Variants in NUTM2F observed in about 807,000 individuals in gnomAD.
NUTM2F encodes family with sequence similarity 22, member F.
NUTM2F carries 22 observed loss-of-function variants against 43.3 expected under a neutral mutation model. The ratio of observed to expected loss-of-function variants is 0.51; its 90% CI spans 0.36 to 0.73. The LOEUF (loss-of-function observed/expected upper bound fraction) is 0.73, where lower values mean the gene tolerates loss of function less well. Ranked by LOEUF, NUTM2F falls within the 30% of genes least tolerant of loss-of-function variation. The pLI is 0.00. For synonymous variants in NUTM2F, 202 were observed against 389.0 expected, an observed-to-expected ratio of 0.52 and a Z score of 5.66; for missense variants, 488 against 927.4, an observed-to-expected ratio of 0.53 and a Z score of 6.15.
intron 1 of NUTM2F, among the ~76,000 whole-genome samples, chr9:94,328,361 C>T (rs1831475851): frequency 1.3e-5 from 2 of 152,122 alleles, no homozygotes; most frequent in Admixed American, 1.3e-4. Context: ...ATCAACCCAT[C>T]CTCTCCATCC....
chr9:94,324,445 C>G (rs1190809698), intron 2 of NUTM2F, among the ~76,000 whole-genome samples: 4 of 150,668 alleles, frequency 2.7e-5, no homozygotes, highest in Admixed American at 6.6e-5. Context: ...GGCGAATCAC[C>G]AGGGCAGGAG....
chr9:94,318,565 TG>T lies in NUTM2F; in HGVS notation c.2170del (p.Gln724AsnfsTer72). 2.9e-6 allele frequency: 4 copies of T among 1,386,500 alleles called. No individual in the cohort carries two copies. Among genetic ancestry groups the T allele is most frequent in the Non-Finnish European group, 3.9e-6 (4 of 1,017,458 alleles). The allele number at this position is 1,386,500 out of a possible 1,614,324, so 85.9% of individuals were successfully genotyped here. On this transcript the variant is annotated frameshift_variant, in exon 7 of 7. Coordinates refer to ENST00000253262, the MANE Select transcript of NUTM2F (RefSeq NM_017561.2). LOFTEE classifies it low-confidence loss of function (END_TRUNC). ...PGPGLRVSGE[Q>X]SLAWGLGGPS... ...GCCACCCAGCCCCCAAGCCAGGGAT[TG>T]CTCCCCAGAGACCCTGAGCCCAGGC...
Position 94,325,774 on chromosome 9 carries a change from G to A in NUTM2F, c.177C>T (p.Phe59=). Residue 59 remains phenylalanine (F), a synonymous_variant, in exon 2 of 7, where the codon TTC becomes TTT. Coordinates refer to ENST00000253262, the MANE Select transcript of NUTM2F (RefSeq NM_017561.2). ...PPAGPLVLSA[F]PSTPLVAGQD... is the part of the protein sequence containing the mutation. ...GTCCTGCCACTAGAGGGGTGCTGGGGAAGGCAGAGAGCACCAGAGGGCCGG... is the reference window on the plus strand; with the variant it reads ...GTCCTGCCACTAGAGGGGTGCTGGGAAAGGCAGAGAGCACCAGAGGGCCGG... 6.2e-7 allele frequency: 1 copy of A among 1,612,138 alleles called. No homozygotes were observed. The highest frequency in any genetic ancestry group is 8.5e-7 in the Non-Finnish European group (1 of 1,179,854).
chr9:94,327,116 T>C (rs1831460893), intron 1 of NUTM2F, among the ~76,000 whole-genome samples: 1 of 142,336 alleles, frequency 7.0e-6, no homozygotes, highest in Non-Finnish European at 1.5e-5. Flanking sequence ...CTTTTTTTTT[T>C]TTTTTGAGAC....
chr9:94,326,772 A>G (rs1383018926), intron 1 of NUTM2F, among the ~76,000 whole-genome samples: 1 of 150,954 alleles, frequency 6.6e-6, no homozygotes, highest in Non-Finnish European at 1.5e-5. Flanking sequence ...AAAAAAGAAA[A>G]CCACTGGATG....
At position 94,319,747 on chromosome 9, in the gene NUTM2F, A is replaced by T; in HGVS notation, c.1369-18T>A. 6.2e-7 allele frequency: 1 copy of T among 1,601,378 alleles called. No homozygotes were observed. On this transcript the variant is annotated intron_variant, in intron 5 of 6. Coordinates refer to ENST00000253262, the MANE Select transcript of NUTM2F (RefSeq NM_017561.2). ...GCCTCCACCTGGAAACAGAAGGAAGAAGGTGTGAACTTCCTGGGGAGGGAG... is the reference window on the plus strand; with the variant it reads ...GCCTCCACCTGGAAACAGAAGGAAGTAGGTGTGAACTTCCTGGGGAGGGAG...
Position 94,325,803 on chromosome 9 carries a change from G to A in NUTM2F, c.148C>T (p.Pro50Ser). Residue 50 changes from proline (P) to serine (S), a missense_variant, in exon 2 of 7, where the codon CCA becomes TCA. Transcript: ENST00000253262. ...GCAGAGAGCACCAGAGGGCCGGCTGGAGGAACCACTGCAGTCACGAGGGGC... is the reference window on the plus strand; with the variant it reads ...GCAGAGAGCACCAGAGGGCCGGCTGAAGGAACCACTGCAGTCACGAGGGGC... ...RPPLVTAVVP[P>S]AGPLVLSAFP... 2 of 1,612,152 alleles carry A rather than the reference G, an allele frequency of 1.2e-6. No homozygotes were observed. Among genetic ancestry groups the A allele is most frequent in the Non-Finnish European group, 1.7e-6 (2 of 1,179,852 alleles).
chr9:94,320,968 G>A lies in NUTM2F; in HGVS notation c.982+125C>T, dbSNP rs548636758. 16 of 1,446,910 alleles carry A rather than the reference G, an allele frequency of 1.1e-5. No individual in the cohort carries two copies. Among genetic ancestry groups the A allele is most frequent in the African/African-American group, 7.1e-5 (5 of 70,026 alleles). The allele number at this position is 1,446,910 out of a possible 1,614,324, so 89.6% of individuals were successfully genotyped here. On this transcript the variant is annotated intron_variant, in intron 4 of 6. Coordinates refer to ENST00000253262, the MANE Select transcript of NUTM2F (RefSeq NM_017561.2). This position sits in a 1 kb window ranked among gnomAD's most constrained non-coding sequence, Gnocchi z 4.5. ...TGGTCAATACCCAACATACACTCCC[G>A]GAAGCTGTCCTGTTGGAGGGAGCAA...
chr9:94,320,262 C>T lies in NUTM2F; in HGVS notation c.1314G>A (p.Pro438=), dbSNP rs1211142726. The change falls in exon 5 of 7, where the codon CCG becomes CCA. Residue 438 remains proline (P), a synonymous_variant. Transcript: ENST00000253262. This position sits in a 1 kb window ranked among gnomAD's most constrained non-coding sequence, Gnocchi z 4.5. ...GCTTGTCAATGTAGCTCAGGAGGCCCGGGTCTGAGGTTATCCCGTCCTCTT... is the reference window on the plus strand; with the variant it reads ...GCTTGTCAATGTAGCTCAGGAGGCCTGGGTCTGAGGTTATCCCGTCCTCTT... The part of the protein sequence containing the change: ...PQEEDGITSD[P]GLLSYIDKLC... 1.1e-5 allele frequency: 17 copies of T among 1,613,846 alleles called. No homozygotes were observed. Among genetic ancestry groups the T allele is most frequent in the Non-Finnish European group, 1.3e-5 (15 of 1,179,876 alleles).
rs1443195015 is a variant in NUTM2F at position 94,321,179 on chromosome 9, A to G, written c.896T>C (p.Met299Thr). 3 of 1,560,796 alleles carry G rather than the reference A, an allele frequency of 1.9e-6. No individual in the cohort carries two copies. The highest frequency in any genetic ancestry group is 2.6e-6 in the Non-Finnish European group (3 of 1,161,124). Residue 299 changes from methionine (M) to threonine (T), a missense_variant, in exon 4 of 7, where the codon ATG (methionine) becomes ACG (threonine). Transcript: ENST00000253262. ...EEMQIQKSQWMKGPQSLPPPA... is the reference protein window; with the variant it reads ...EEMQIQKSQWTKGPQSLPPPA... ...AGGAGGCAGGCTCTGGGGCCCCTTC[A>G]TCCACTGCGATTTCTGAATCTGCAT...
chr9:94,321,109 C>T lies in NUTM2F; in HGVS notation c.966G>A (p.Glu322=). 6.4e-7 allele frequency: 1 copy of T among 1,551,652 alleles called. No homozygotes were observed. Among genetic ancestry groups the T allele is most frequent in the South Asian group, 1.2e-5 (1 of 85,308 alleles). The change falls in exon 4 of 7, where the codon GAG becomes GAA. Residue 322 remains glutamate, a synonymous_variant. Coordinates refer to ENST00000253262, the MANE Select transcript of NUTM2F (RefSeq NM_017561.2). ...AAGCTGTACCTGGCTGCTTGACCAC[C>T]TCAGGGGCAGGGGGTCCTCGAGGTT... is the stretch of plus-strand genomic sequence containing the variant. The part of the protein sequence containing the change: ...RLEPRGPPAP[E]VVKQPVYLPS...
At position 94,320,244 on chromosome 9, in the gene NUTM2F, A is replaced by G. The variant is rs781675281; in HGVS notation, c.1332T>C (p.Ile444=). The change falls in exon 5 of 7, where the codon ATT becomes ATC. Residue 444 remains isoleucine, a synonymous_variant. Transcript: ENST00000253262. The surrounding 1 kb of genome is among the most constrained non-coding windows in gnomAD (Gnocchi z 4.5). The part of the protein sequence containing the change: ...ITSDPGLLSY[I]DKLCSQEDFV... Reference sequence around the variant, plus strand: ...AGTCTTCCTGGGAACACAGCTTGTCAATGTAGCTCAGGAGGCCCGGGTCTG... The same window carrying G: ...AGTCTTCCTGGGAACACAGCTTGTCGATGTAGCTCAGGAGGCCCGGGTCTG... 6.2e-7 allele frequency: 1 copy of G among 1,613,938 alleles called. No homozygotes were observed. Among genetic ancestry groups the G allele is most frequent in the South Asian group, 1.1e-5 (1 of 91,076 alleles).
At chr9:94,323,209 C>A (rs1831401310) in intron 2 of NUTM2F, among the ~76,000 whole-genome samples, 2 of 151,864 alleles carry the variant, frequency 1.3e-5, no homozygotes, top group Admixed American at 6.6e-5. Context: ...GAATCAGGGT[C>A]CCCAGTGCAC....
chr9:94,320,950 T>C lies in NUTM2F; in HGVS notation c.982+143A>G. ...ATGAAGTAGGTATTCACCTGGTCAA[T>C]ACCCAACATACACTCCCGGAAGCTG... On this transcript the variant is annotated intron_variant, in intron 4 of 6. Transcript: ENST00000253262. This position sits in a 1 kb window ranked among gnomAD's most constrained non-coding sequence, Gnocchi z 4.5. 2.1e-6 allele frequency: 3 copies of C among 1,410,766 alleles called. No individual in the cohort carries two copies. Among genetic ancestry groups the C allele is most frequent in the Non-Finnish European group, 2.8e-6 (3 of 1,073,450 alleles). The allele number at this position is 1,410,766 out of a possible 1,614,324, so 87.4% of individuals were successfully genotyped here.
At position 94,320,440 on chromosome 9, in the gene NUTM2F, T is replaced by G. The variant is rs757608700; in HGVS notation, c.1136A>C (p.Gln379Pro). ...TNAHLPPPRP[Q>P]RPAETKVPEE... ...AGGGACCTTGGTCTCCGCTGGCCTC[T>G]GGGGCCTGGGTGGTGGCAGGTGGGC... Residue 379 changes from glutamine to proline, a missense_variant, in exon 5 of 7, where the codon CAG becomes CCG. Transcript: ENST00000253262. This position sits in a 1 kb window ranked among gnomAD's most constrained non-coding sequence, Gnocchi z 4.5. The G allele has an allele frequency of 8.7e-6, 14 of 1,603,728 alleles. No individual in the cohort carries two copies. Among genetic ancestry groups the G allele is most frequent in the African/African-American group, 1.3e-5 (1 of 74,710 alleles).
chr9:94,321,291 C>G, intron 3 of NUTM2F, 59 bp from the exon 4 acceptor site: 1 of 1,543,348 alleles, frequency 6.5e-7, no homozygotes, highest in Non-Finnish European at 8.7e-7. Flanking sequence ...CCCCCCAGGA[C>G]CAGGCAGCAG....
chr9:94,326,000 T>G lies in NUTM2F; in HGVS notation c.17-66A>C. The G allele has an allele frequency of 4.4e-6, 7 of 1,586,350 alleles. No homozygotes were observed. In the South Asian group the frequency reaches 6.8e-5, roughly 15 times the overall value. ...CAGGTCCACACTAGTCACTGGGGAA[T>G]CAGGGGAGTCCCAACAGCTGAGGGC... On this transcript the variant is annotated intron_variant, in intron 1 of 6. Coordinates refer to ENST00000253262, the MANE Select transcript of NUTM2F (RefSeq NM_017561.2).
chr9:94,326,722 T>G (rs1473553592), intron 1 of NUTM2F, among the ~76,000 whole-genome samples: 1 of 115,162 alleles, frequency 8.7e-6, no homozygotes, highest in African/African-American at 3.4e-5. Context: ...CCAGCCCGGG[T>G]GACAGAGCGA....
At chr9:94,324,761 C>T (rs1587703805) in intron 2 of NUTM2F, among the ~76,000 whole-genome samples, 1 of 151,058 alleles carries the variant, frequency 6.6e-6, no homozygotes, top group South Asian at 2.1e-4. Flanking sequence ...GAGGCTGAGG[C>T]GGGCAGATCA....
Sources: allele counts gnomAD v4.1 joint callset (sites outside exome capture counted in the v4.1 genomes callset), GRCh38; gene constraint gnomAD v4.1.1; non-coding constraint Gnocchi (gnomAD v3.1); transcripts MANE v1.5; gene names NCBI Gene and HGNC (gene_info 2026-07-23, HGNC 2026-07-21).